DOCK4: variants seen among roughly 807,000 people sequenced by gnomAD.
DOCK4 encodes dedicator of cytokinesis protein 4.
Under a neutral mutation model 268.1 loss-of-function variants are expected in DOCK4, and 97 were observed. The observed-to-expected ratio is 0.36, with a 90% CI of 0.31 to 0.43. DOCK4 has a LOEUF of 0.43. Among genes scored for constraint, DOCK4 ranks in the 20% least tolerant of loss-of-function variants. The pLI is 1.00. For synonymous variants in DOCK4, 954 were observed against 887.2 expected (o/e 1.08, Z -1.34); for missense variants, 2,145 against 2,455.7 (o/e 0.87, Z 2.67).
chr7:112,055,646 G>A (rs1485519376), intron 1 of DOCK4, among the ~76,000 whole-genome samples: 1 of 152,142 alleles, frequency 6.6e-6, no homozygotes, highest in African/African-American at 2.4e-5. Flanking sequence ...GGTAGCTCAC[G>A]CCTATAATCC....
At chr7:111,743,113 A>T (rs1488212645) in intron 44 of DOCK4, among the ~76,000 whole-genome samples, 1 of 152,194 alleles carries the variant, frequency 6.6e-6, no homozygotes, top group Non-Finnish European at 1.5e-5. Flanking sequence ...ATCCGAAGAG[A>T]TGAAGGTAAA....
chr7:111,758,128 A>C (rs1797157308), intron 41 of DOCK4, among the ~76,000 whole-genome samples: 1 of 152,206 alleles, frequency 6.6e-6, no homozygotes, highest in Admixed American at 6.5e-5. Context: ...AACAAGAACA[A>C]GCAGCAAAGA....
chr7:111,908,488 T>C (rs1175726095), intron 13 of DOCK4, among the ~76,000 whole-genome samples: 1 of 151,810 alleles, frequency 6.6e-6, no homozygotes, highest in East Asian at 1.9e-4. Context: ...ATAATGAAAT[T>C]GCTTACTTCT....
chr7:111,839,795 C>T (rs58945600), intron 25 of DOCK4, among the ~76,000 whole-genome samples: 1 of 152,180 alleles, frequency 6.6e-6, no homozygotes, highest in African/African-American at 2.4e-5. Flanking sequence ...TTTTTTTGCT[C>T]TATTTCTTAA....
At chr7:111,957,471 A>G (rs533707017) in intron 8 of DOCK4, among the ~76,000 whole-genome samples, 3 of 152,304 alleles carry the variant, frequency 2.0e-5, no homozygotes, top group African/African-American at 7.2e-5. Flanking sequence ...TAAAATCCTT[A>G]GAGGTATACT....
chr7:111,822,496 G>T (rs1258525353), intron 26 of DOCK4, 40 bp from the exon 27 acceptor site: 3 of 1,526,372 alleles, frequency 2.0e-6, no homozygotes, highest in Non-Finnish European at 2.7e-6. Context: ...TTGGTTTATT[G>T]TAACTGTCAA....
At chr7:111,738,675 T>A (rs1238160812) in intron 49 of DOCK4, among the ~76,000 whole-genome samples, 9 of 152,192 alleles carry the variant, frequency 5.9e-5, no homozygotes, top group Admixed American at 3.9e-4. Flanking sequence ...TGGTGGCTCA[T>A]GCCTGTAATC....
intron 30 of DOCK4, among the ~76,000 whole-genome samples, chr7:111,795,187 A>G (rs757032): frequency 0.2 from 30,737 of 152,024 alleles, 3,573 homozygotes; most frequent in East Asian, 0.53. Flanking sequence ...AACCAGCTTC[A>G]GCTGGGTACA....
At chr7:112,144,887 A>G (rs542427257) in intron 1 of DOCK4, among the ~76,000 whole-genome samples, 1 of 152,280 alleles carries the variant, frequency 6.6e-6, no homozygotes, top group African/African-American at 2.4e-5. Flanking sequence ...GTGTGATAAG[A>G]GGAATCTCAT....
chr7:111,738,218 T>C (rs1290524863), intron 49 of DOCK4, among the ~76,000 whole-genome samples: 2 of 152,144 alleles, frequency 1.3e-5, no homozygotes, highest in Admixed American at 1.3e-4. Context: ...AAAACAGGGA[T>C]CACTTCAAAA....
At chr7:112,004,820 A>C (rs1480467809) in intron 1 of DOCK4, among the ~76,000 whole-genome samples, 1 of 151,992 alleles carries the variant, frequency 6.6e-6, no homozygotes, top group Non-Finnish European at 1.5e-5. Flanking sequence ...GGGGGATCAC[A>C]ATTAATTATA....
chr7:111,792,572 G>A (rs1310739231), intron 30 of DOCK4, among the ~76,000 whole-genome samples: 1 of 151,974 alleles, frequency 6.6e-6, no homozygotes, highest in Non-Finnish European at 1.5e-5. Context: ...TAGTAGAGAC[G>A]GGGTTTTACC....
intron 27 of DOCK4, chr7:111,820,952 G>A (rs184714153): frequency 3.3e-5 from 5 of 152,018 alleles, no homozygotes; most frequent in East Asian, 3.9e-4. Context: ...TGTAGCATGC[G>A]GACAACCAAA....
rs147914453 is a variant in DOCK4, at chr7:112,010,083, C to G, written c.38-5952G>C. On this transcript the variant is annotated intron_variant, in intron 1 of 52. Coordinates refer to ENST00000428084, the MANE Select transcript of DOCK4 (RefSeq NM_001363540.2). ...TTGCTGGCCTTGGCCTCCCAAAGTG[C>G]TGGGATTACAGGTGTGAGCCACCAT... Among the ~76,000 whole-genome samples the G allele has an allele frequency of 6.4e-4, 97 of 152,296 alleles. 1 individual carries two copies. The East Asian group carries it at 0.015, about 23-fold the overall frequency.
chr7:111,779,347 T>A (rs1294020490), intron 35 of DOCK4, among the ~76,000 whole-genome samples: 1 of 152,226 alleles, frequency 6.6e-6, no homozygotes, highest in African/African-American at 2.4e-5. Context: ...TTAGGAAATA[T>A]CTCTAAAATG....
intron 1 of DOCK4, among the ~76,000 whole-genome samples, chr7:112,083,155 G>A (rs1183229336): frequency 6.6e-6 from 1 of 152,036 alleles, no homozygotes; most frequent in Non-Finnish European, 1.5e-5. Flanking sequence ...CTAAGGTAAA[G>A]TAAATTTCAA....
chr7:112,139,540 G>A (rs1814692599), intron 1 of DOCK4, among the ~76,000 whole-genome samples: 2 of 152,142 alleles, frequency 1.3e-5, no homozygotes, highest in African/African-American at 4.8e-5. Flanking sequence ...GTGAAGATGG[G>A]ATTTCATTTT....
At chr7:111,778,228 A>C (rs2133731170) in intron 36 of DOCK4, 48 bp downstream of exon 36, 1 of 1,317,602 alleles carries the variant, frequency 7.6e-7, no homozygotes, top group Non-Finnish European at 1.1e-6. Context: ...AATGATCATG[A>C]TTAATACATC....
intron 49 of DOCK4, among the ~76,000 whole-genome samples, chr7:111,737,759 G>A (rs1795605285): frequency 1.3e-5 from 2 of 152,118 alleles, no homozygotes; most frequent in African/African-American, 2.4e-5. Context: ...AACTTGGGAG[G>A]CTAATCAGAG....
Sources: allele counts gnomAD v4.1 joint callset (sites outside exome capture counted in the v4.1 genomes callset), GRCh38; gene constraint gnomAD v4.1.1; transcripts MANE v1.5; gene names NCBI Gene and HGNC (gene_info 2026-07-23, HGNC 2026-07-21).